PDCD2L: variants seen among roughly 807,000 people sequenced by gnomAD.
The protein encoded by PDCD2L is programmed cell death 2 like, also known as uS5 assembly chaperone PDCD2L.
Under a neutral mutation model 40.4 loss-of-function variants are expected in PDCD2L, and 44 were observed. The observed-to-expected ratio is 1.09, with a 90% confidence interval of 0.86 to 1.40. The LOEUF is 1.40. Ranked by LOEUF, PDCD2L falls within the 40% of genes most tolerant of loss-of-function variation. The pLI is 0.00. For missense variants in PDCD2L, 470 were observed against 453.7 expected (o/e 1.04, Z -0.33); for synonymous variants, 194 against 174.6 (o/e 1.11, Z -0.88).
In PDCD2L at chr19:34,409,300, C is replaced by T. The variant is rs1361634002; in HGVS notation, c.476C>T (p.Thr159Ile). 6.2e-7 allele frequency: 1 copy of T among 1,614,006 alleles called. No homozygotes were observed. Among genetic ancestry groups the T allele is most frequent in the Non-Finnish European group, 8.5e-7 (1 of 1,180,038 alleles). ...DASSAKDVDW[T>I]ARLQDLRLQD... ...AGCAGTGCCAAAGACGTAGACTGGACTGCTCGGCTCCAAGACCTCCGCCTG... is the reference window on the plus strand; with the variant it reads ...AGCAGTGCCAAAGACGTAGACTGGATTGCTCGGCTCCAAGACCTCCGCCTG... Residue 159 changes from threonine to isoleucine, a missense_variant, in exon 4 of 7, where the codon ACT becomes ATT. By Grantham distance (89) the Thr-to-Ile change is moderately conservative. Coordinates refer to ENST00000246535, the MANE Select transcript of PDCD2L (RefSeq NM_032346.2).
chr19:34,423,534 G>A (rs534347099), intron 6 of PDCD2L, among the ~76,000 whole-genome samples: 3 of 106,794 alleles, frequency 2.8e-5, no homozygotes, highest in Non-Finnish European at 5.5e-5. Flanking sequence ...TCACTCTGTC[G>A]CCCAGCCTGG....
At chr19:34,425,298 CT>C (rs2075171907) in intron 6 of PDCD2L, among the ~76,000 whole-genome samples, 2 of 146,228 alleles carry the variant, frequency 1.4e-5, no homozygotes, top group Admixed American at 1.4e-4. Context: ...ATATTTCTCT[CT>C]TCTTTTTTTT....
intron 3 of PDCD2L, among the ~76,000 whole-genome samples, chr19:34,407,934 G>T (rs2075084429): frequency 6.6e-6 from 1 of 152,064 alleles, no homozygotes. Flanking sequence ...TTGTTTGTTT[G>T]TTTTTTGAGA....
At chr19:34,415,233 C>G (rs1230410976) in intron 5 of PDCD2L, among the ~76,000 whole-genome samples, 3 of 152,084 alleles carry the variant, frequency 2.0e-5, no homozygotes, top group African/African-American at 7.3e-5. Context: ...AGTCTCCTGC[C>G]TCAGCCTCCC....
At chr19:34,406,193 T>C (rs1360371724) in intron 3 of PDCD2L, among the ~76,000 whole-genome samples, 2 of 148,728 alleles carry the variant, frequency 1.3e-5, no homozygotes, top group African/African-American at 4.9e-5. Context: ...TTTCTTCAAC[T>C]TTTTTTTTTA....
At chr19:34,406,826 CTTTTTTTTTTTT>C (rs35175132) in intron 3 of PDCD2L, among the ~76,000 whole-genome samples, 1 of 102,246 alleles carries the variant, frequency 9.8e-6, no homozygotes, top group Non-Finnish European at 1.9e-5. Flanking sequence ...TTCTTTCTTC[CTTTTTTTTTTTT>C]TTTTTTTTTT....
At chr19:34,411,162 CTTTT>C (rs766712244) in intron 4 of PDCD2L, among the ~76,000 whole-genome samples, 1 of 61,770 alleles carries the variant, frequency 1.6e-5, no homozygotes, top group African/African-American at 5.8e-5. Context: ...GAGTATTCTT[CTTTT>C]TTTTTTTTTT....
intron 3 of PDCD2L, 154 bp from the exon 4 acceptor site, chr19:34,409,007 A>G (rs1250831725): frequency 3.1e-6 from 2 of 652,422 alleles, no homozygotes; most frequent in Non-Finnish European, 5.3e-6. Flanking sequence ...TTTTGAGTAC[A>G]TAGGGTCTAG....
At chr19:34,420,094 G>C (rs1599875145) in intron 5 of PDCD2L, among the ~76,000 whole-genome samples, 1 of 151,950 alleles carries the variant, frequency 6.6e-6, no homozygotes, top group African/African-American at 2.4e-5. Context: ...AAGCGATTCT[G>C]CAGCCGCGGC....
intron 3 of PDCD2L, among the ~76,000 whole-genome samples, 153 bp downstream of exon 3, chr19:34,405,143 G>GTTTTTTTTTTTTTTTT (rs74177144): frequency 9.0e-6 from 1 of 111,078 alleles, no homozygotes; most frequent in Non-Finnish European, 1.7e-5. Context: ...TTTTCGTAAA[G>GTTTTTTTTTTTTTTTT]TTTTTTTTTT....
chr19:34,404,562 G>T (rs1203801668), intron 1 of PDCD2L, 24 bp downstream of exon 1: 1 of 1,563,474 alleles, frequency 6.4e-7, no homozygotes, highest in South Asian at 1.2e-5. Flanking sequence ...CCGGAGCTGG[G>T]GTCGATGGGT....
At chr19:34,425,267 C>G (rs1479899700) in intron 6 of PDCD2L, among the ~76,000 whole-genome samples, 2 of 147,652 alleles carry the variant, frequency 1.4e-5, no homozygotes, top group African/African-American at 4.9e-5. Context: ...CCTTTCTCGG[C>G]AGTAGTGTGT....
At chr19:34,418,906 C>G (rs974887652) in intron 5 of PDCD2L, among the ~76,000 whole-genome samples, 1 of 152,206 alleles carries the variant, frequency 6.6e-6, no homozygotes, top group African/African-American at 2.4e-5. Flanking sequence ...TGTTTTCCAT[C>G]TCTGTATATC....
In PDCD2L at chr19:34,404,708, C is replaced by T. The variant is rs371416236; in HGVS notation, c.168C>T (p.Leu56=). Residue 56 remains leucine (L), a synonymous_variant, in exon 2 of 7, where the codon CTC becomes CTT. Transcript: ENST00000246535. The part of the protein sequence containing the change: ...RPVCQRCGQP[L]ALVVQVYCPL... Reference sequence around the variant, plus strand: ...TGTGTCAGCGCTGCGGGCAGCCGCTCGCTCTGGTCGTGCAGGTGTATTGCC... The same window carrying T: ...TGTGTCAGCGCTGCGGGCAGCCGCTTGCTCTGGTCGTGCAGGTGTATTGCC... 3.1e-6 allele frequency: 5 copies of T among 1,612,252 alleles called. No homozygotes were observed. Among genetic ancestry groups the T allele is most frequent in the East Asian group, 2.2e-5 (1 of 44,872 alleles).
At chr19:34,420,578 A>G (rs1599875368) in intron 5 of PDCD2L, among the ~76,000 whole-genome samples, 2 of 152,042 alleles carry the variant, frequency 1.3e-5, no homozygotes, top group Admixed American at 6.5e-5. Flanking sequence ...ACTTGAGGCC[A>G]GGAGTTTGAG....
Position 34,409,421 on chromosome 19 carries a change from G to A in PDCD2L, c.597G>A (p.Arg199=), listed in dbSNP as rs764175577. 4 of 1,614,020 alleles carry A rather than the reference G, an allele frequency of 2.5e-6. No homozygotes were observed. In the African/African-American group the frequency reaches 5.3e-5, roughly 22 times the overall value. ...GTGTTGCAGATGAGGATGATTACAG[G>A]GACTTTGTCAACCTGGATCATGCCC... is the stretch of plus-strand genomic sequence containing the variant. ...YICVADEDDY[R]DFVNLDHAHS... Residue 199 remains arginine (R), a synonymous_variant, in exon 4 of 7, where the codon AGG becomes AGA. Coordinates refer to ENST00000246535, the MANE Select transcript of PDCD2L (RefSeq NM_032346.2).
In PDCD2L at chr19:34,419,859, C is replaced by T. The variant is rs146705970; in HGVS notation, c.798-1660C>T. Among the ~76,000 whole-genome samples the T allele has an allele frequency of 1.3e-4, 17 of 131,982 alleles. No homozygotes were observed. In the South Asian group the frequency reaches 1.6e-3, roughly 12 times the overall value. The allele number at this position is 131,982 out of a possible 152,430, so 86.6% of individuals were successfully genotyped here. ...ATGCAGTGGTGCAGTCATGGCTCAC[C>T]GCAGCCTCAGACTCCTGAGCTCAAG... On this transcript the variant is annotated intron_variant, in intron 5 of 6. Transcript: ENST00000246535.
At position 34,409,351 on chromosome 19, in the gene PDCD2L, A is replaced by G. The variant is rs1367627621; in HGVS notation, c.527A>G (p.His176Arg). ...RLQDAVLGAA[H>R]PVPPGLPLFL... The stretch of plus-strand genomic sequence containing the variant: ...CAGGATGCTGTCCTGGGTGCTGCCC[A>G]TCCTGTGCCTCCTGGGCTGCCGCTC... The change falls in exon 4 of 7, where the codon CAT (histidine) becomes CGT (arginine). Residue 176 changes from histidine to arginine, a missense_variant. By Grantham distance (29) the His-to-Arg change is conservative. Coordinates refer to ENST00000246535, the MANE Select transcript of PDCD2L (RefSeq NM_032346.2). The G allele has an allele frequency of 6.2e-7, 1 of 1,613,908 alleles. No individual in the cohort carries two copies. The highest frequency in any genetic ancestry group is 8.5e-7 in the Non-Finnish European group (1 of 1,179,970).
intron 6 of PDCD2L, among the ~76,000 whole-genome samples, chr19:34,424,347 C>G (rs1489951676): frequency 1.3e-5 from 2 of 152,188 alleles, no homozygotes; most frequent in South Asian, 2.1e-4. Flanking sequence ...TCAGTTCTTG[C>G]CTCCTCCGAA....
Sources: gnomAD v4.1 joint callset for allele counts (sites outside exome capture counted in the v4.1 genomes callset) on GRCh38, gnomAD v4.1.1 for gene constraint, MANE v1.5 for transcripts, NCBI Gene and HGNC (gene_info 2026-07-23, HGNC 2026-07-21) for gene names.